The following SYT1 variants were observed in gnomAD, a reference collection of about 807,000 sequenced individuals.
SYT1 encodes the protein synaptotagmin 1.
SYT1 carries 8 observed loss-of-function variants against 44.8 expected under a neutral mutation model. The ratio of observed to expected loss-of-function variants is 0.18; its 90% CI spans 0.10 to 0.32. SYT1 has a LOEUF of 0.32. Ranked by LOEUF, SYT1 falls within the 10% of genes least tolerant of loss-of-function variation. SYT1 has a pLI of 1.00. For synonymous variants in SYT1, 154 were observed against 188.8 expected (o/e 0.82, Z 1.51); for missense variants, 286 against 509.3 (o/e 0.56, Z 4.22).
intron 9 of SYT1, among the ~76,000 whole-genome samples, chr12:79,368,657 A>G (rs1169664932): frequency 7.1e-6 from 1 of 140,168 alleles, no homozygotes; most frequent in Non-Finnish European, 1.6e-5. Flanking sequence ...AGTGATGGTG[A>G]GCATTTTTTC....
chr12:78,980,933 G>A (rs1264308196), intron 2 of SYT1, among the ~76,000 whole-genome samples: 3 of 152,032 alleles, frequency 2.0e-5, no homozygotes, highest in South Asian at 4.1e-4. Context: ...GAGGGAGATG[G>A]AGGGGAGAGA....
intron 8 of SYT1, among the ~76,000 whole-genome samples, chr12:79,301,422 T>C (rs1880145997): frequency 6.6e-6 from 1 of 152,158 alleles, no homozygotes; most frequent in African/African-American, 2.4e-5. Context: ...GTTTGAAACT[T>C]AACACCAGGC....
chr12:79,155,248 A>C (rs1261838404), intron 3 of SYT1, among the ~76,000 whole-genome samples: 1 of 152,222 alleles, frequency 6.6e-6, no homozygotes, highest in Non-Finnish European at 1.5e-5. Flanking sequence ...AGATATAAGA[A>C]AAATCATTTT....
At chr12:78,918,326 G>T (rs1045448000) in intron 1 of SYT1, among the ~76,000 whole-genome samples, 1 of 151,972 alleles carries the variant, frequency 6.6e-6, no homozygotes, top group Non-Finnish European at 1.5e-5. Context: ...TTCCAGGCAG[G>T]TTATCTGCCA....
At chr12:79,363,626 A>G (rs1411197672) in intron 9 of SYT1, among the ~76,000 whole-genome samples, 3 of 151,722 alleles carry the variant, frequency 2.0e-5, no homozygotes, top group Admixed American at 6.6e-5. Flanking sequence ...TCCCAGCTAC[A>G]TGGGAAGCTG....
chr12:79,056,521 A>T (rs550997945), intron 3 of SYT1, among the ~76,000 whole-genome samples: 1 of 152,066 alleles, frequency 6.6e-6, no homozygotes, highest in Non-Finnish European at 1.5e-5. Context: ...TGTGAAGGGT[A>T]GCAAAAATGC....
chr12:78,881,932 T>G (rs1874478896), intron 1 of SYT1, among the ~76,000 whole-genome samples: 1 of 151,756 alleles, frequency 6.6e-6, no homozygotes, highest in African/African-American at 2.4e-5. Context: ...ACTTCTGATC[T>G]CTCAATGACA....
At chr12:79,375,147 G>T (rs1489181392) in intron 9 of SYT1, among the ~76,000 whole-genome samples, 1 of 151,658 alleles carries the variant, frequency 6.6e-6, no homozygotes, top group Non-Finnish European at 1.5e-5. Flanking sequence ...CATTTTCTTA[G>T]CTTACGACCT....
intron 2 of SYT1, among the ~76,000 whole-genome samples, chr12:79,019,304 T>C (rs1186799948): frequency 6.6e-6 from 1 of 151,990 alleles, no homozygotes; most frequent in Non-Finnish European, 1.5e-5. Flanking sequence ...TAACTTAATT[T>C]GGGGATTTGT....
chr12:79,037,847 C>T (rs1873237818), intron 2 of SYT1, among the ~76,000 whole-genome samples: 1 of 151,672 alleles, frequency 6.6e-6, no homozygotes, highest in South Asian at 2.1e-4. Context: ...TAGTAGTTAT[C>T]CAGGTAAACA....
chr12:79,140,389 A>T (rs1869478417), intron 3 of SYT1, among the ~76,000 whole-genome samples: 1 of 152,104 alleles, frequency 6.6e-6, no homozygotes, highest in African/African-American at 2.4e-5. Flanking sequence ...CTTTTCTAAC[A>T]GAACACTCCT....
At chr12:78,901,101 T>C (rs1875637269) in intron 1 of SYT1, among the ~76,000 whole-genome samples, 1 of 152,126 alleles carries the variant, frequency 6.6e-6, no homozygotes, top group African/African-American at 2.4e-5. Flanking sequence ...TGTTTGATTT[T>C]ATATTAATCC....
chr12:79,332,348 A>G (rs976006431), intron 8 of SYT1, among the ~76,000 whole-genome samples: 2 of 152,198 alleles, frequency 1.3e-5, no homozygotes, highest in Non-Finnish European at 2.9e-5. Flanking sequence ...TTAACAATGA[A>G]CACCAGTGAA....
chr12:79,115,958 A>G (rs1164296424), intron 3 of SYT1, among the ~76,000 whole-genome samples: 3 of 152,200 alleles, frequency 2.0e-5, no homozygotes, highest in Non-Finnish European at 4.4e-5. Context: ...GAAAGCTATA[A>G]TGAGCAAACA....
At chr12:79,419,613 C>T (rs1868978643) in intron 9 of SYT1, among the ~76,000 whole-genome samples, 1 of 151,972 alleles carries the variant, frequency 6.6e-6, no homozygotes, top group Non-Finnish European at 1.5e-5. Flanking sequence ...ACTCGGAGTA[C>T]CTCAATTTTT....
At chr12:79,327,446 T>C (rs1881655211) in intron 8 of SYT1, among the ~76,000 whole-genome samples, 1 of 152,190 alleles carries the variant, frequency 6.6e-6, no homozygotes, top group Non-Finnish European at 1.5e-5. Flanking sequence ...AAGCCTGTGC[T>C]CTAGGTAACA....
intron 1 of SYT1, among the ~76,000 whole-genome samples, chr12:78,922,520 AAT>A (rs1877065494): frequency 1.3e-5 from 2 of 151,936 alleles, no homozygotes; most frequent in Non-Finnish European, 2.9e-5. Context: ...GTATTAAGGA[AAT>A]ATATGTAAAT....
intron 4 of SYT1, among the ~76,000 whole-genome samples, chr12:79,284,953 G>GCT (rs1319713717): frequency 6.6e-6 from 1 of 152,054 alleles, no homozygotes; most frequent in Non-Finnish European, 1.5e-5. Context: ...AGATGAAATG[G>GCT]GTACCACTGT....
At chr12:78,902,723 T>C (rs1875732807) in intron 1 of SYT1, among the ~76,000 whole-genome samples, 1 of 152,150 alleles carries the variant, frequency 6.6e-6, no homozygotes, top group Non-Finnish European at 1.5e-5. Context: ...ATTTTTTTCA[T>C]TGATGTGGGT....
Sources: gnomAD v4.1 joint callset for allele counts (sites outside exome capture counted in the v4.1 genomes callset) on GRCh38, gnomAD v4.1.1 for gene constraint, MANE v1.5 for transcripts, NCBI Gene and HGNC (gene_info 2026-07-23, HGNC 2026-07-21) for gene names.